INPP5A: variants seen among roughly 807,000 people sequenced by gnomAD.
INPP5A encodes the protein inositol polyphosphate-5-phosphatase A.
In INPP5A, 14 loss-of-function variants were observed where a neutral mutation model predicts 65.2. The observed-to-expected ratio is 0.21, with a 90% CI of 0.14 to 0.34. The LOEUF is 0.34. INPP5A is among the 10% of genes least tolerant of loss of function. The probability of loss-of-function intolerance (pLI) is 1.00; values close to 1 mark genes in which losing one functional copy is unlikely to be tolerated. For synonymous variants in INPP5A, 207 were observed against 208.3 expected (o/e 0.99, Z 0.05); for missense variants, 431 against 545.6 (o/e 0.79, Z 2.09).
chr10:132,648,871 T>A (rs950928418), intron 3 of INPP5A, among the ~76,000 whole-genome samples: 3 of 152,266 alleles, frequency 2.0e-5, no homozygotes, highest in African/African-American at 4.8e-5. Context: ...TTTATCTTGC[T>A]TGGGGCCGTT....
chr10:132,634,300 GTGGGTGTGCCCCGGAGAGGCGTAT>G (rs1195661931), intron 2 of INPP5A, among the ~76,000 whole-genome samples: 5 of 149,018 alleles, frequency 3.4e-5, no homozygotes, highest in African/African-American at 1.3e-4. Context: ...ATCTCCCTTG[GTGGGTGTGCCCCGGAGAGGCGTAT>G]CATCTCCCTT....
Position 132,644,603 on chromosome 10 carries a change from G to A in INPP5A, c.118-1265G>A, listed in dbSNP as rs958369578. On this transcript the variant is annotated intron_variant, in intron 2 of 15. Coordinates refer to ENST00000368594, the MANE Select transcript of INPP5A (RefSeq NM_005539.5). The surrounding 1 kb of genome is among the most constrained non-coding windows in gnomAD (Gnocchi z 6.5). ...GTCGTGAGCACCTCCAGGCTCCCAA[G>A]CCCAGCACAGACAGCACCGGCCCCT... Among the ~76,000 whole-genome samples, 5 of 152,216 alleles carry A rather than the reference G, an allele frequency of 3.3e-5. No homozygotes were observed. Among genetic ancestry groups the A allele is most frequent in the African/African-American group, 1.2e-4 (5 of 41,454 alleles).
intron 8 of INPP5A, among the ~76,000 whole-genome samples, chr10:132,722,763 G>A (rs1845910105): frequency 6.6e-6 from 1 of 152,160 alleles, no homozygotes. Context: ...AACAGAGAGA[G>A]ACACCCATTT....
chr10:132,734,649 C>T (rs1846145146), intron 9 of INPP5A, among the ~76,000 whole-genome samples: 1 of 152,226 alleles, frequency 6.6e-6, no homozygotes, highest in Non-Finnish European at 1.5e-5. Flanking sequence ...GATGAGGGTA[C>T]CGCCTGCCCT....
chr10:132,690,766 C>T (rs76121757), intron 5 of INPP5A, among the ~76,000 whole-genome samples: 3,604 of 152,306 alleles, frequency 0.024, 47 homozygotes, highest in Non-Finnish European at 0.039. Flanking sequence ...GAGAGGGTTG[C>T]ATGTTTCAGA....
chr10:132,669,472 TG>T (rs966933579), intron 4 of INPP5A, among the ~76,000 whole-genome samples: 1 of 152,054 alleles, frequency 6.6e-6, no homozygotes, highest in African/African-American at 2.4e-5. Context: ...GAGAGGGAGC[TG>T]GGGGTGTGGT....
intron 4 of INPP5A, among the ~76,000 whole-genome samples, chr10:132,687,865 C>T (rs1191076116): frequency 6.6e-6 from 1 of 152,252 alleles, no homozygotes; most frequent in East Asian, 1.9e-4. Flanking sequence ...GCAGAGGCCA[C>T]CATGGCGTCG....
At chr10:132,604,358 C>G (rs1045826982) in intron 1 of INPP5A, among the ~76,000 whole-genome samples, 1 of 152,132 alleles carries the variant, frequency 6.6e-6, no homozygotes, top group Non-Finnish European at 1.5e-5. Flanking sequence ...CCATCCTGCC[C>G]TGTGCTGTCA....
chr10:132,690,476 C>G, intron 5 of INPP5A, 21 bp downstream of exon 5: 1 of 1,592,430 alleles, frequency 6.3e-7, no homozygotes, highest in Non-Finnish European at 8.6e-7. Context: ...GTGCCGTCTT[C>G]CGGGATTTTG....
At chr10:132,745,157 C>T (rs1201281312) in intron 9 of INPP5A, among the ~76,000 whole-genome samples, 3 of 152,152 alleles carry the variant, frequency 2.0e-5, no homozygotes, top group African/African-American at 4.8e-5. Flanking sequence ...GGCCTGTCAG[C>T]CTTTGATCTT....
intron 14 of INPP5A, among the ~76,000 whole-genome samples, chr10:132,781,558 C>T (rs1847161778): frequency 6.6e-6 from 1 of 152,222 alleles, no homozygotes; most frequent in South Asian, 2.1e-4. Flanking sequence ...TCATTTGGGG[C>T]CTATTTAGCC....
intron 8 of INPP5A, among the ~76,000 whole-genome samples, chr10:132,720,262 T>C (rs1449098632): frequency 1.3e-5 from 2 of 149,956 alleles, no homozygotes; most frequent in African/African-American, 2.5e-5. Flanking sequence ...GGTTCTGTGG[T>C]GCCTGGGTTC....
intron 2 of INPP5A, among the ~76,000 whole-genome samples, chr10:132,619,728 A>G (rs112961479): frequency 0.027 from 4,133 of 152,276 alleles, 77 homozygotes; most frequent in African/African-American, 0.045. Flanking sequence ...GCATGATCTC[A>G]GCTCACTGCA....
Position 132,762,296 on chromosome 10 carries a change from C to G in INPP5A, c.904-3477C>G, listed in dbSNP as rs1846748081. ...GGAGGAATGGAAGTAAATCCACACACAGACATGTCAGAGTGAAACAGCGGA... is the reference window on the plus strand; with the variant it reads ...GGAGGAATGGAAGTAAATCCACACAGAGACATGTCAGAGTGAAACAGCGGA... On this transcript the variant is annotated intron_variant, in intron 11 of 15. Transcript: ENST00000368594. The surrounding 1 kb of genome is among the most constrained non-coding windows in gnomAD (Gnocchi z 4.6). Among the ~76,000 whole-genome samples the G allele has an allele frequency of 6.6e-6, 1 of 152,210 alleles. No homozygotes were observed. The highest frequency in any genetic ancestry group is 2.4e-5 in the African/African-American group (1 of 41,458).
intron 2 of INPP5A, among the ~76,000 whole-genome samples, chr10:132,633,963 C>G (rs1029509845): frequency 6.6e-6 from 1 of 152,182 alleles, no homozygotes; most frequent in African/African-American, 2.4e-5. Context: ...TCTTCCCACC[C>G]CTGAGCATTT....
chr10:132,658,344 A>G (rs963721064), intron 4 of INPP5A, among the ~76,000 whole-genome samples: 20 of 152,164 alleles, frequency 1.3e-4, no homozygotes, highest in African/African-American at 4.8e-4. Flanking sequence ...GGGGCTTATG[A>G]GGTGCTCCTA....
intron 7 of INPP5A, 24 bp from the exon 8 acceptor site, chr10:132,710,313 T>C: frequency 1.2e-6 from 2 of 1,612,684 alleles, no homozygotes; most frequent in Non-Finnish European, 1.7e-6. Context: ...CTTGGTGACG[T>C]GTCCTTTTCT....
chr10:132,564,274 C>T lies in INPP5A; in HGVS notation c.75+26103C>T, dbSNP rs112123500. 3.0e-3 allele frequency among the ~76,000 whole-genome samples: 455 copies of T among 152,176 alleles called. 1 individual carries two copies. Among genetic ancestry groups the T allele is most frequent in the African/African-American group, 0.011 (441 of 41,528 alleles). ...GACACATGATCCTGGGGAGGGAAGG[C>T]GAGGGTCCCAGGGGACCTCTTACGG... On this transcript the variant is annotated intron_variant, in intron 1 of 15. Coordinates refer to ENST00000368594, the MANE Select transcript of INPP5A (RefSeq NM_005539.5).
rs191689237 is a variant in INPP5A, at chr10:132,762,803, C to A, written c.904-2970C>A. ...GCCAGTAGTCTCAGACAAGCCAGGG[C>A]AATGTGGCAAGACCCCGTCTCTACA... On this transcript the variant is annotated intron_variant, in intron 11 of 15. Coordinates refer to ENST00000368594, the MANE Select transcript of INPP5A (RefSeq NM_005539.5). The surrounding 1 kb of genome is among the most constrained non-coding windows in gnomAD (Gnocchi z 4.6). 9.9e-5 allele frequency among the ~76,000 whole-genome samples: 15 copies of A among 152,146 alleles called. No homozygotes were observed. The highest frequency in any genetic ancestry group is 9.8e-4 in the Admixed American group (15 of 15,282).
Sources: allele counts gnomAD v4.1 joint callset (sites outside exome capture counted in the v4.1 genomes callset), GRCh38; gene constraint gnomAD v4.1.1; non-coding constraint Gnocchi (gnomAD v3.1); transcripts MANE v1.5; gene names NCBI Gene and HGNC (gene_info 2026-07-23, HGNC 2026-07-21).